The following NXPH1 variants were observed in gnomAD, a reference collection of about 807,000 sequenced individuals.
NXPH1 encodes neurexophilin-1.
A neutral mutation model predicts 23.7 loss-of-function variants in NXPH1; 5 were observed. The ratio of observed to expected loss-of-function variants is 0.21; its 90% CI spans 0.11 to 0.44. The LOEUF is 0.44. NXPH1 is among the 20% of genes least tolerant of loss of function. NXPH1 has a pLI of 0.99. For synonymous variants in NXPH1, 144 were observed against 122.2 expected, an observed-to-expected ratio of 1.18 and a Z score of -1.18; for missense variants, 324 against 321.6, an observed-to-expected ratio of 1.01 and a Z score of -0.06.
intron 2 of NXPH1, among the ~76,000 whole-genome samples, chr7:8,681,102 G>A (rs1821042874): frequency 6.6e-6 from 1 of 152,138 alleles, no homozygotes; most frequent in Admixed American, 6.5e-5. Flanking sequence ...TGCTGTCCCT[G>A]GCCAGCCCCT....
intron 2 of NXPH1, among the ~76,000 whole-genome samples, chr7:8,672,001 C>G (rs970065567): frequency 2.6e-5 from 4 of 151,932 alleles, no homozygotes; most frequent in Non-Finnish European, 5.9e-5. Flanking sequence ...GGATATTAGC[C>G]CTTTGTCAGA....
chr7:8,656,215 A>C (rs952253619), intron 2 of NXPH1, among the ~76,000 whole-genome samples: 54 of 152,258 alleles, frequency 3.5e-4, no homozygotes, highest in African/African-American at 1.3e-3. Context: ...TTCTGATAAG[A>C]CAAATAATAA....
chr7:8,480,666 A>G (rs1817057722), intron 2 of NXPH1, among the ~76,000 whole-genome samples: 1 of 152,184 alleles, frequency 6.6e-6, no homozygotes, highest in Non-Finnish European at 1.5e-5. Context: ...AATGACTGCA[A>G]CAGCTGTACT....
At chr7:8,572,857 C>G (rs1818676282) in intron 2 of NXPH1, among the ~76,000 whole-genome samples, 1 of 151,594 alleles carries the variant, frequency 6.6e-6, no homozygotes, top group African/African-American at 2.4e-5. Flanking sequence ...GGAATTACTT[C>G]CATCAAGGGT....
At chr7:8,571,710 C>G (rs997286389) in intron 2 of NXPH1, among the ~76,000 whole-genome samples, 5 of 151,774 alleles carry the variant, frequency 3.3e-5, no homozygotes, top group Admixed American at 3.3e-4. Context: ...AGTCAAAGAT[C>G]TCTGGTTCCT....
intron 2 of NXPH1, among the ~76,000 whole-genome samples, chr7:8,443,752 G>C (rs758486631): frequency 1.7e-4 from 26 of 152,208 alleles, no homozygotes; most frequent in Non-Finnish European, 3.5e-4. Context: ...TCCGTGGTTA[G>C]GCTCGCCAGC....
intron 2 of NXPH1, among the ~76,000 whole-genome samples, chr7:8,527,371 A>G (rs896710207): frequency 1.3e-5 from 2 of 152,198 alleles, no homozygotes; most frequent in Non-Finnish European, 2.9e-5. Context: ...TGAAGCTCAG[A>G]TGGCCTCTAA....
chr7:8,575,882 A>T (rs531631765), intron 2 of NXPH1, among the ~76,000 whole-genome samples: 1 of 151,862 alleles, frequency 6.6e-6, no homozygotes, highest in African/African-American at 2.4e-5. Flanking sequence ...GTTTCCCATT[A>T]TTTCCTCTCT....
chr7:8,563,677 G>T (rs1186313005), intron 2 of NXPH1, among the ~76,000 whole-genome samples: 6 of 151,664 alleles, frequency 4.0e-5, no homozygotes, highest in Admixed American at 2.0e-4. Flanking sequence ...TGGGGGAAAA[G>T]GTTACCCATT....
intron 2 of NXPH1, among the ~76,000 whole-genome samples, chr7:8,461,846 A>AAAAAAAAAAAAAAAAG (rs1554423603): frequency 6.7e-6 from 1 of 150,094 alleles, no homozygotes; most frequent in African/African-American, 2.5e-5. Flanking sequence ...CAAAAAAAAA[A>AAAAAAAAAAAAAAAAG]AAAAAGAATA....
chr7:8,451,109 G>T (rs1280360677), intron 2 of NXPH1, among the ~76,000 whole-genome samples: 1 of 85,098 alleles, frequency 1.2e-5, no homozygotes, highest in East Asian at 7.5e-4. Flanking sequence ...GAGGGATCTA[G>T]CTTTTTTTTT....
intron 2 of NXPH1, among the ~76,000 whole-genome samples, chr7:8,467,059 C>G (rs943036976): frequency 1.3e-5 from 2 of 152,126 alleles, no homozygotes; most frequent in African/African-American, 2.4e-5. Flanking sequence ...AAATATACAG[C>G]AGCTAGCACA....
At chr7:8,735,770 CT>C (rs1192879261) in intron 2 of NXPH1, among the ~76,000 whole-genome samples, 1 of 151,920 alleles carries the variant, frequency 6.6e-6, no homozygotes, top group Non-Finnish European at 1.5e-5. Context: ...TGGTTCTGGG[CT>C]TTTTTTGGTT....
At position 8,664,874 on chromosome 7, in the gene NXPH1, A is replaced by AT. The variant is rs547244203; in HGVS notation, c.55-86126dup. ...GTTTATTTGACTGTTTTTTAATTAGATTTTTTTTGCTATTAAGTTGTTTGA... is the reference window on the plus strand; with the variant it reads ...GTTTATTTGACTGTTTTTTAATTAGATTTTTTTTTGCTATTAAGTTGTTTGA... On this transcript the variant is annotated intron_variant, in intron 2 of 2. Coordinates refer to ENST00000405863, the MANE Select transcript of NXPH1 (RefSeq NM_152745.3). 3.4e-3 allele frequency among the ~76,000 whole-genome samples: 521 copies of AT among 151,460 alleles called. 5 individuals are homozygous for AT. Among genetic ancestry groups the AT allele is most frequent in the African/African-American group, 0.012 (479 of 41,320 alleles).
chr7:8,469,379 A>G (rs746531737), intron 2 of NXPH1, among the ~76,000 whole-genome samples: 2 of 152,060 alleles, frequency 1.3e-5, no homozygotes, highest in Admixed American at 6.6e-5. Flanking sequence ...TTGAGTATTT[A>G]CCGCCAAACA....
At chr7:8,668,728 G>A (rs1820819829) in intron 2 of NXPH1, among the ~76,000 whole-genome samples, 1 of 152,134 alleles carries the variant, frequency 6.6e-6, no homozygotes, top group African/African-American at 2.4e-5. Context: ...TGAGTTCATA[G>A]GGTCTGGCTT....
At chr7:8,560,338 T>G (rs1818422525) in intron 2 of NXPH1, among the ~76,000 whole-genome samples, 1 of 151,672 alleles carries the variant, frequency 6.6e-6, no homozygotes. Flanking sequence ...AAAACCAGAG[T>G]AGCTGAACAT....
intron 2 of NXPH1, among the ~76,000 whole-genome samples, chr7:8,573,444 T>C (rs545593725): frequency 6.6e-6 from 1 of 152,132 alleles, no homozygotes; most frequent in Non-Finnish European, 1.5e-5. Context: ...AATTTAGACT[T>C]GAAGAGTCAA....
intron 2 of NXPH1, among the ~76,000 whole-genome samples, chr7:8,526,232 G>C (rs926460305): frequency 3.9e-5 from 6 of 152,256 alleles, no homozygotes; most frequent in African/African-American, 7.2e-5. Flanking sequence ...TTTTGGACTT[G>C]CATGGGCCCT....
Sources: gnomAD v4.1 joint callset for allele counts (sites outside exome capture counted in the v4.1 genomes callset) on GRCh38, gnomAD v4.1.1 for gene constraint, MANE v1.5 for transcripts, NCBI Gene and HGNC (gene_info 2026-07-23, HGNC 2026-07-21) for gene names.